TYW1B: variants seen among roughly 807,000 people sequenced by gnomAD.
TYW1B encodes tRNA-yW synthesizing protein 1 homolog B.
Under a neutral mutation model 86.9 loss-of-function variants are expected in TYW1B, and 73 were observed. The observed-to-expected ratio is 0.84, with a 90% confidence interval of 0.70 to 1.02. TYW1B has a LOEUF of 1.02. Ranked by LOEUF, TYW1B falls within the 50% of genes least tolerant of loss-of-function variation. The pLI is 0.00. For synonymous variants in TYW1B, 248 were observed against 292.8 expected, an observed-to-expected ratio of 0.85 and a Z score of 1.56; for missense variants, 637 against 827.4, an observed-to-expected ratio of 0.77 and a Z score of 2.82.
At chr7:72,771,190 C>T (rs1416302880) in intron 7 of TYW1B, among the ~76,000 whole-genome samples, 4 of 151,970 alleles carry the variant, frequency 2.6e-5, no homozygotes, top group Non-Finnish European at 4.4e-5. Context: ...CTCGAACTCC[C>T]GACCTCAAAT....
intron 9 of TYW1B, among the ~76,000 whole-genome samples, chr7:72,717,669 A>G (rs1358749131): frequency 2.2e-4 from 33 of 151,682 alleles, no homozygotes; most frequent in South Asian, 4.2e-4. Flanking sequence ...ACACACACAC[A>G]CACACACACT....
intron 10 of TYW1B, among the ~76,000 whole-genome samples, chr7:72,696,432 T>C (rs1421860890): frequency 2.6e-5 from 4 of 152,242 alleles, no homozygotes; most frequent in Admixed American, 2.6e-4. Flanking sequence ...CCTAGAAGTT[T>C]TATGCATTTT....
At chr7:72,643,762 T>C (rs1554441736) in intron 11 of TYW1B, among the ~76,000 whole-genome samples, 1 of 152,132 alleles carries the variant, frequency 6.6e-6, no homozygotes. Context: ...TACAAAGTCT[T>C]AAAGAAAACA....
chr7:72,815,279 A>T, intron 3 of TYW1B, 101 bp downstream of exon 3: 1 of 1,083,126 alleles, frequency 9.2e-7, no homozygotes, highest in Non-Finnish European at 1.3e-6. Context: ...ACGAAAATTA[A>T]ATTTATTCTG....
At chr7:72,618,265 G>A (rs1243188272) in intron 12 of TYW1B, among the ~76,000 whole-genome samples, 4 of 129,060 alleles carry the variant, frequency 3.1e-5, no homozygotes, top group Non-Finnish European at 6.2e-5. Context: ...TGCCCAGGCT[G>A]GAGTGCAGTG....
chr7:72,611,707 C>A (rs1332731808), intron 13 of TYW1B, among the ~76,000 whole-genome samples: 1 of 152,090 alleles, frequency 6.6e-6, no homozygotes, highest in Non-Finnish European at 1.5e-5. Flanking sequence ...CTCAGAGTAC[C>A]CAGCCCTCTG....
chr7:72,638,326 G>A (rs1554441042), intron 11 of TYW1B, among the ~76,000 whole-genome samples: 1 of 152,176 alleles, frequency 6.6e-6, no homozygotes, highest in Non-Finnish European at 1.5e-5. Flanking sequence ...AAAATGGGTT[G>A]TTTGTCTGCA....
rs782283046 is a variant in TYW1B at position 72,799,401 on chromosome 7, G to A, written c.846+2999C>T. Among the ~76,000 whole-genome samples, 4 of 151,418 alleles carry A rather than the reference G, an allele frequency of 2.6e-5. 1 individual carries two copies. The highest frequency in any genetic ancestry group is 9.7e-5 in the African/African-American group (4 of 41,238). On this transcript the variant is annotated intron_variant, in intron 6 of 13. Coordinates refer to ENST00000620995, the MANE Select transcript of TYW1B (RefSeq NM_001145440.3). ...TGGTCTCGAGCTCCTGACCTCAAGC[G>A]ATGCACCCACCTCGGCCTCCCAAAG...
chr7:72,797,477 C>T (rs1788324613), intron 6 of TYW1B, among the ~76,000 whole-genome samples: 1 of 152,084 alleles, frequency 6.6e-6, no homozygotes, highest in Admixed American at 6.6e-5. Context: ...TCCATTTGAC[C>T]GTTTCTGATC....
chr7:72,669,931 CAAAA>C (rs1457189440), intron 11 of TYW1B, among the ~76,000 whole-genome samples: 5 of 136,294 alleles, frequency 3.7e-5, no homozygotes, highest in African/African-American at 8.7e-5. Context: ...CCCATTTCTA[CAAAA>C]TAAATAAATA....
At position 72,574,767 on chromosome 7, in the gene TYW1B, G is replaced by A; in HGVS notation, c.*731C>T. 1.0e-6 allele frequency: 1 copy of A among 985,386 alleles called. No individual in the cohort carries two copies. 61.0% of individuals were successfully genotyped at this position (985,386 alleles called of 1,614,324 possible). ...GAAATGATCCTCTTCAGTCCAAAGTGTGTTTGTGAGACTAATGACTCCATG... is the reference window on the plus strand; with the variant it reads ...GAAATGATCCTCTTCAGTCCAAAGTATGTTTGTGAGACTAATGACTCCATG... On this transcript the variant is annotated 3_prime_UTR_variant, in exon 14 of 14. Coordinates refer to ENST00000620995, the MANE Select transcript of TYW1B (RefSeq NM_001145440.3).
chr7:72,585,163 G>A (rs562782281), intron 13 of TYW1B, among the ~76,000 whole-genome samples: 1 of 152,278 alleles, frequency 6.6e-6, no homozygotes, highest in Admixed American at 6.5e-5. Context: ...AACTCAAAAT[G>A]TCACAAAGAA....
intron 8 of TYW1B, among the ~76,000 whole-genome samples, 162 bp from the exon 9 acceptor site, chr7:72,729,093 G>A (rs1234663897): frequency 3.3e-5 from 5 of 152,142 alleles, no homozygotes; most frequent in East Asian, 1.9e-4. Flanking sequence ...ATTTTAAATC[G>A]TGACACCCAA....
At chr7:72,642,111 G>C (rs1554441525) in intron 11 of TYW1B, among the ~76,000 whole-genome samples, 2 of 152,150 alleles carry the variant, frequency 1.3e-5, no homozygotes, top group Non-Finnish European at 2.9e-5. Context: ...AGGGTACAAA[G>C]ACAATTCAAT....
intron 6 of TYW1B, among the ~76,000 whole-genome samples, chr7:72,787,689 T>G (rs1407292694): frequency 6.6e-6 from 1 of 151,208 alleles, no homozygotes; most frequent in East Asian, 2.0e-4. Flanking sequence ...AACAATCACT[T>G]GAAAGAGGGA....
intron 11 of TYW1B, among the ~76,000 whole-genome samples, chr7:72,687,268 T>C (rs1585903270): frequency 6.6e-6 from 1 of 152,172 alleles, no homozygotes; most frequent in East Asian, 1.9e-4. Flanking sequence ...AAACCCCATC[T>C]CTACTAAAAA....
intron 11 of TYW1B, among the ~76,000 whole-genome samples, chr7:72,660,468 G>A (rs1184281717): frequency 6.6e-6 from 1 of 152,074 alleles, no homozygotes; most frequent in Non-Finnish European, 1.5e-5. Context: ...GCCAGATTTG[G>A]GCCCTGAGCT....
At chr7:72,628,193 G>C (rs190653279) in intron 12 of TYW1B, among the ~76,000 whole-genome samples, 1 of 152,286 alleles carries the variant, frequency 6.6e-6, no homozygotes, top group Admixed American at 6.5e-5. Context: ...TGAGGCAGGA[G>C]GACTGCTGGA....
intron 3 of TYW1B, among the ~76,000 whole-genome samples, chr7:72,813,843 C>T (rs1286171185): frequency 6.6e-6 from 1 of 151,844 alleles, no homozygotes; most frequent in Non-Finnish European, 1.5e-5. Flanking sequence ...AATGAAACCC[C>T]ATGTCTGTTA....
Sources: gnomAD v4.1 joint callset for allele counts (sites outside exome capture counted in the v4.1 genomes callset) on GRCh38, gnomAD v4.1.1 for gene constraint, MANE v1.5 for transcripts, NCBI Gene and HGNC (gene_info 2026-07-23, HGNC 2026-07-21) for gene names.